Variants in LUZP2 observed in about 807,000 individuals in gnomAD.
LUZP2 encodes leucine zipper protein 2.
In LUZP2, 52 loss-of-function variants were observed where a neutral mutation model predicts 51.6. The ratio of observed to expected loss-of-function variants is 1.01; its 90% CI spans 0.81 to 1.27. The LOEUF is 1.27. Ranked by LOEUF, LUZP2 falls within the 50% of genes most tolerant of loss-of-function variation. The pLI is 0.00. For synonymous variants in LUZP2, 154 were observed against 137.3 expected (o/e 1.12, Z -0.85); for missense variants, 436 against 395.4 (o/e 1.10, Z -0.87).
At chr11:24,923,699 A>G (rs72874351) in intron 7 of LUZP2, among the ~76,000 whole-genome samples, 4 of 152,172 alleles carry the variant, frequency 2.6e-5, no homozygotes, top group Non-Finnish European at 5.9e-5. Flanking sequence ...AAGACAGGCT[A>G]CAAACTTCCC....
intron 5 of LUZP2, among the ~76,000 whole-genome samples, chr11:24,819,981 G>C (rs1850307472): frequency 6.6e-6 from 1 of 152,060 alleles, no homozygotes; most frequent in South Asian, 2.1e-4. Context: ...GGAGAGGAAA[G>C]CTATATGAAG....
chr11:25,055,385 T>C (rs1241015621), intron 10 of LUZP2, among the ~76,000 whole-genome samples: 2 of 152,154 alleles, frequency 1.3e-5, no homozygotes, highest in Non-Finnish European at 2.9e-5. Context: ...TCTTTTGTCT[T>C]TATTTTTCTT....
intron 1 of LUZP2, among the ~76,000 whole-genome samples, chr11:24,521,865 G>A (rs1850652961): frequency 6.6e-6 from 1 of 152,076 alleles, no homozygotes. Flanking sequence ...TGTTTATGGA[G>A]GAATGATGTT....
chr11:24,754,194 A>T (rs537716146), intron 4 of LUZP2, among the ~76,000 whole-genome samples: 2 of 152,144 alleles, frequency 1.3e-5, no homozygotes, highest in African/African-American at 4.8e-5. Context: ...ATGAGGTTTC[A>T]CTATGTTGCC....
intron 1 of LUZP2, among the ~76,000 whole-genome samples, chr11:24,564,738 C>A (rs1345021394): frequency 6.6e-6 from 1 of 152,078 alleles, no homozygotes; most frequent in African/African-American, 2.4e-5. Context: ...TTGTAATCAG[C>A]AGAAAGTCTC....
At chr11:24,839,151 T>C (rs192798620) in intron 5 of LUZP2, among the ~76,000 whole-genome samples, 1 of 151,818 alleles carries the variant, frequency 6.6e-6, no homozygotes, top group African/African-American at 2.4e-5. Context: ...TAATAGTCTT[T>C]CATGTTTTGT....
chr11:24,932,398 G>A (rs372878078), intron 7 of LUZP2, among the ~76,000 whole-genome samples: 1 of 152,124 alleles, frequency 6.6e-6, no homozygotes, highest in African/African-American at 2.4e-5. Context: ...GCTACCACAG[G>A]GGGTAGAGAA....
chr11:24,685,716 C>T (rs1856876472), intron 1 of LUZP2, among the ~76,000 whole-genome samples: 4 of 152,108 alleles, frequency 2.6e-5, no homozygotes, highest in Admixed American at 2.6e-4. Flanking sequence ...ATGGTTTTCC[C>T]ATGAAATATC....
At chr11:24,919,968 C>G (rs7931610) in intron 7 of LUZP2, among the ~76,000 whole-genome samples, 87,819 of 151,332 alleles carry the variant, frequency 0.58, 25,947 homozygotes, top group East Asian at 0.83. Context: ...ATGAATAAGT[C>G]CTACACAACC....
chr11:24,960,661 C>A (rs1428878360), intron 7 of LUZP2, among the ~76,000 whole-genome samples: 1 of 151,918 alleles, frequency 6.6e-6, no homozygotes, highest in Non-Finnish European at 1.5e-5. Flanking sequence ...GTCTTGCTAG[C>A]GGTCTATCAA....
At chr11:24,731,085 C>A (rs1402981412) in intron 2 of LUZP2, among the ~76,000 whole-genome samples, 1 of 151,564 alleles carries the variant, frequency 6.6e-6, no homozygotes, top group Non-Finnish European at 1.5e-5. Context: ...CCAATGATAA[C>A]CTCAGCCAGT....
intron 1 of LUZP2, among the ~76,000 whole-genome samples, chr11:24,579,006 T>A (rs7104955): frequency 0.4 from 60,046 of 151,906 alleles, 12,112 homozygotes; most frequent in Middle Eastern, 0.52. Context: ...ATAGAAAAAA[T>A]TTTCATTTTC....
At chr11:24,989,571 T>A (rs1172442120) in intron 9 of LUZP2, among the ~76,000 whole-genome samples, 2 of 152,110 alleles carry the variant, frequency 1.3e-5, no homozygotes, top group African/African-American at 4.8e-5. Context: ...TTGCTTCCTA[T>A]GTGGAGATAG....
At chr11:24,584,150 C>T (rs541917165) in intron 1 of LUZP2, among the ~76,000 whole-genome samples, 1 of 152,248 alleles carries the variant, frequency 6.6e-6, no homozygotes, top group South Asian at 2.1e-4. Flanking sequence ...AAAAGTCCTG[C>T]CATCATTGCA....
At chr11:24,696,412 C>A (rs928449950) in intron 1 of LUZP2, among the ~76,000 whole-genome samples, 6 of 152,060 alleles carry the variant, frequency 3.9e-5, no homozygotes, top group Admixed American at 6.6e-5. Context: ...ATTCAATTAT[C>A]TTTACAATAG....
chr11:24,951,457 T>C (rs1855076966), intron 7 of LUZP2, among the ~76,000 whole-genome samples: 2 of 151,538 alleles, frequency 1.3e-5, no homozygotes, highest in Admixed American at 6.6e-5. Context: ...TTAAGTTATA[T>C]TTTACGATTA....
intron 1 of LUZP2, among the ~76,000 whole-genome samples, chr11:24,575,422 A>G (rs780946998): frequency 3.3e-5 from 5 of 152,294 alleles, no homozygotes; most frequent in Non-Finnish European, 7.4e-5. Flanking sequence ...ATTTATAACA[A>G]TAAGCTCACT....
At chr11:24,799,588 C>CA (rs35759489) in intron 5 of LUZP2, among the ~76,000 whole-genome samples, 92,500 of 140,642 alleles carry the variant, frequency 0.66, 30,211 homozygotes, top group Non-Finnish European at 0.73. Flanking sequence ...AAGACTGTTT[C>CA]AAAAAAAAAA....
chr11:24,964,919 C>A (rs1007602824), intron 7 of LUZP2, among the ~76,000 whole-genome samples: 2 of 151,574 alleles, frequency 1.3e-5, no homozygotes, highest in African/African-American at 4.8e-5. Context: ...TGAAGACAAA[C>A]ATGTTTTATT....
Sources: allele counts gnomAD v4.1 joint callset (sites outside exome capture counted in the v4.1 genomes callset), GRCh38; gene constraint gnomAD v4.1.1; transcripts MANE v1.5; gene names NCBI Gene and HGNC (gene_info 2026-07-23, HGNC 2026-07-21).